UBE2K: variants seen among roughly 807,000 people sequenced by gnomAD.
UBE2K encodes ubiquitin conjugating enzyme E2 K.
A neutral mutation model predicts 30.0 loss-of-function variants in UBE2K; 6 were observed. The ratio of observed to expected loss-of-function variants is 0.20; its 90% CI spans 0.11 to 0.39. UBE2K has a LOEUF of 0.39. Ranked by LOEUF, UBE2K falls within the 10% of genes least tolerant of loss-of-function variation. UBE2K has a pLI of 1.00. For synonymous variants in UBE2K, 86 were observed against 83.7 expected (o/e 1.03, Z -0.15); for missense variants, 61 against 241.6 (o/e 0.25, Z 4.96).
intron 1 of UBE2K, among the ~76,000 whole-genome samples, chr4:39,706,485 T>C (rs1480443675): frequency 2.6e-5 from 4 of 150,966 alleles, no homozygotes; most frequent in African/African-American, 9.7e-5. Context: ...TTTTTTTTTT[T>C]TTTCCCAGAT....
intron 3 of UBE2K, 112 bp from the exon 4 acceptor site, chr4:39,755,545 A>G (rs1721481203): frequency 2.6e-6 from 2 of 758,040 alleles, no homozygotes; most frequent in South Asian, 1.7e-5. Context: ...AAAATGATGT[A>G]ATAGATATAG....
At chr4:39,773,697 G>T (rs1453866565) in intron 4 of UBE2K, among the ~76,000 whole-genome samples, 11 of 151,968 alleles carry the variant, frequency 7.2e-5, no homozygotes. Context: ...CGAGGCGGGC[G>T]GATCACGAGG....
chr4:39,771,614 C>T (rs1240534503), intron 4 of UBE2K, among the ~76,000 whole-genome samples: 1 of 152,142 alleles, frequency 6.6e-6, no homozygotes, highest in Non-Finnish European at 1.5e-5. Flanking sequence ...GCCGGCTCCA[C>T]GTGGGCGTAA....
rs368526773 is a variant in UBE2K at position 39,778,458 on chromosome 4, T to C, written c.*24T>C. 17 of 1,532,822 alleles carry C rather than the reference T, an allele frequency of 1.1e-5. No individual in the cohort carries two copies. In the African/African-American group the frequency reaches 2.3e-4, roughly 21 times the overall value. The allele number at this position is 1,532,822 out of a possible 1,614,324, so 95.0% of individuals were successfully genotyped here. On this transcript the variant is annotated 3_prime_UTR_variant, in exon 7 of 7. Transcript: ENST00000261427. ...GAGGCATAGAGAGCTGCTGATATAG[T>C]CAAGCTTGCCTCTTCTTGAGGAGCA...
chr4:39,714,562 T>TTTTTTTTTTTTTTTTTTC, intron 1 of UBE2K: 1 of 97,336 alleles, frequency 1.0e-5, no homozygotes, highest in Non-Finnish European at 1.9e-5. Context: ...TTTTTTTTTT[T>TTTTTTTTTTTTTTTTTTC]TTTAAGACTG....
chr4:39,753,761 A>G lies in UBE2K; in HGVS notation c.217-1896A>G, dbSNP rs560885795. Among the ~76,000 whole-genome samples the G allele has an allele frequency of 2.6e-5, 4 of 152,224 alleles. No individual in the cohort carries two copies. The South Asian group carries it at 8.3e-4, about 32-fold the overall frequency. ...AAAAGTTTAATATGACTTTTTGAGC[A>G]GGAGAGTGGAGTGTGGGATAGAGGT... On this transcript the variant is annotated intron_variant, in intron 3 of 6. Transcript: ENST00000261427.
rs375537499 is a variant in UBE2K at position 39,744,688 on chromosome 4, C to T, written c.158-1064C>T. On this transcript the variant is annotated intron_variant, in intron 2 of 6. Transcript: ENST00000261427. The stretch of plus-strand genomic sequence containing the variant: ...TTGGGAGGTTGAGGCAGGTGGATCA[C>T]GAGGTCAGGAGATCGAGACCATCCT... Among the ~76,000 whole-genome samples the T allele has an allele frequency of 4.3e-3, 654 of 150,456 alleles. 5 individuals carry two copies. Among genetic ancestry groups the T allele is most frequent in the African/African-American group, 0.015 (633 of 41,212 alleles).
At chr4:39,728,828 T>G (rs562474250) in intron 1 of UBE2K, among the ~76,000 whole-genome samples, 1,684 of 125,946 alleles carry the variant, frequency 0.013, 39 homozygotes, top group African/African-American at 0.049. Context: ...GTTTTTTTTG[T>G]TTTTTTTTTT....
At chr4:39,752,311 A>ATTTT (rs751312791) in intron 3 of UBE2K, among the ~76,000 whole-genome samples, 1 of 118,544 alleles carries the variant, frequency 8.4e-6, no homozygotes, top group African/African-American at 3.2e-5. Flanking sequence ...CGCCTGGCTA[A>ATTTT]TTTTTTTTTT....
intron 1 of UBE2K, among the ~76,000 whole-genome samples, chr4:39,702,383 T>C (rs1020354298): frequency 6.6e-6 from 1 of 151,478 alleles, no homozygotes; most frequent in Non-Finnish European, 1.5e-5. Context: ...GCCTCCTGAG[T>C]AGCTGGGATT....
intron 4 of UBE2K, among the ~76,000 whole-genome samples, chr4:39,760,059 C>A (rs1711791132): frequency 6.6e-6 from 1 of 151,502 alleles, no homozygotes; most frequent in Non-Finnish European, 1.5e-5. Context: ...CACCTGTAAT[C>A]CCAGCTACTC....
chr4:39,780,223 C>T lies in UBE2K; in HGVS notation c.*1789C>T, dbSNP rs1191751669. 2 of 152,008 alleles carry T rather than the reference C, an allele frequency of 1.3e-5. No homozygotes were observed. Among genetic ancestry groups the T allele is most frequent in the Non-Finnish European group, 2.9e-5 (2 of 67,980 alleles). The allele number at this position is 152,008 out of a possible 1,614,324, so 9.4% of individuals were successfully genotyped here. On this transcript the variant is annotated 3_prime_UTR_variant, in exon 7 of 7. Coordinates refer to ENST00000261427, the MANE Select transcript of UBE2K (RefSeq NM_005339.5). ...ATTTTTCTTTATTTATTTTAAATAC[C>T]TGAAACCTCGTACTTTATATTTTGA...
At chr4:39,705,489 G>T (rs552110546) in intron 1 of UBE2K, among the ~76,000 whole-genome samples, 2 of 151,752 alleles carry the variant, frequency 1.3e-5, no homozygotes, top group Non-Finnish European at 2.9e-5. Context: ...GTGAGCCACC[G>T]TGCCCAGCCA....
intron 1 of UBE2K, among the ~76,000 whole-genome samples, chr4:39,725,517 AGATTGGAAGGCTGG>A (rs1719706083): frequency 6.6e-6 from 1 of 151,534 alleles, no homozygotes; most frequent in African/African-American, 2.4e-5. Flanking sequence ...TCCTTAGTTG[AGATTGGAAGGCTGG>A]GATTGGGTTT....
intron 6 of UBE2K, among the ~76,000 whole-genome samples, chr4:39,778,139 A>C (rs1713390277): frequency 6.6e-6 from 1 of 150,720 alleles, no homozygotes; most frequent in Non-Finnish European, 1.5e-5. Context: ...ATAAGAGAAA[A>C]TCTAGTTTTG....
At chr4:39,746,472 C>T (rs1720996454) in intron 3 of UBE2K, among the ~76,000 whole-genome samples, 1 of 152,192 alleles carries the variant, frequency 6.6e-6, no homozygotes, top group African/African-American at 2.4e-5. Context: ...TTTAATCACC[C>T]TTCCATCTTT....
At chr4:39,747,131 C>T (rs1026270939) in intron 3 of UBE2K, among the ~76,000 whole-genome samples, 2 of 152,040 alleles carry the variant, frequency 1.3e-5, no homozygotes, top group African/African-American at 4.8e-5. Context: ...TATGGGCTGC[C>T]TATTAGTCTA....
At chr4:39,710,576 C>T (rs62310078) in intron 1 of UBE2K, among the ~76,000 whole-genome samples, 16,779 of 152,010 alleles carry the variant, frequency 0.11, 1,317 homozygotes, top group Middle Eastern at 0.21. Flanking sequence ...GCCTATCTGA[C>T]ATTTTTTATA....
intron 1 of UBE2K, among the ~76,000 whole-genome samples, chr4:39,722,559 G>A (rs1719483871): frequency 6.6e-6 from 1 of 152,068 alleles, no homozygotes; most frequent in Non-Finnish European, 1.5e-5. Context: ...TTTACCAGGT[G>A]CACTCACACA....
Sources: gnomAD v4.1 joint callset for allele counts (sites outside exome capture counted in the v4.1 genomes callset) on GRCh38, gnomAD v4.1.1 for gene constraint, MANE v1.5 for transcripts, NCBI Gene and HGNC (gene_info 2026-07-23, HGNC 2026-07-21) for gene names.